STARD9: variants seen among roughly 807,000 people sequenced by gnomAD.
STARD9 encodes the protein stAR-related lipid transfer protein 9.
A neutral mutation model predicts 399.8 loss-of-function variants in STARD9; 346 were observed. That is an observed-to-expected ratio of 0.87 (90% CI 0.79 to 0.95). The LOEUF (loss-of-function observed/expected upper bound fraction) is 0.95, where lower values mean the gene tolerates loss of function less well. STARD9 is among the 40% of genes least tolerant of loss of function. The pLI is 0.00. For synonymous variants in STARD9, 2,203 were observed against 2,143.5 expected (o/e 1.03, Z -0.77); for missense variants, 5,832 against 5,667.5 (o/e 1.03, Z -0.93).
Position 42,686,996 on chromosome 15 carries a change from T to C in STARD9, c.5418T>C (p.Asn1806=), listed in dbSNP as rs1233857719. 4 of 1,536,734 alleles carry C rather than the reference T, an allele frequency of 2.6e-6. No individual in the cohort carries two copies. The East Asian group carries it at 9.8e-5, about 38-fold the overall frequency. The change falls in exon 23 of 33, where the codon AAT becomes AAC. Residue 1806 remains asparagine, a synonymous_variant. Coordinates refer to ENST00000290607, the MANE Select transcript of STARD9 (RefSeq NM_020759.3). ...NNLPVLLQNQ[N]SKIASSQQVT... ...TGCCAGTGCTGTTACAAAACCAGAA[T>C]TCTAAGATTGCCTCATCTCAGCAGG...
At chr15:42,674,701 C>G in intron 17 of STARD9, 126 bp from the exon 18 acceptor site, 2 of 1,383,020 alleles carry the variant, frequency 1.4e-6, no homozygotes, top group South Asian at 1.5e-5. Flanking sequence ...GGTTTCAGGT[C>G]AGCTCTTCCT....
chr15:42,681,672 C>T (rs1312014866), intron 21 of STARD9, 60 bp downstream of exon 21: 2 of 1,377,044 alleles, frequency 1.5e-6, no homozygotes, highest in African/African-American at 1.5e-5. Flanking sequence ...TTTCATGCTT[C>T]CTCAGCCTTC....
Position 42,718,922 on chromosome 15 carries a change from T to G in STARD9, c.14001+12T>G. The G allele has an allele frequency of 2.0e-6, 3 of 1,536,814 alleles. No individual in the cohort carries two copies. The highest frequency in any genetic ancestry group is 2.6e-6 in the Non-Finnish European group (3 of 1,146,586). On this transcript the variant is annotated intron_variant, in intron 32 of 32. Coordinates refer to ENST00000290607, the MANE Select transcript of STARD9 (RefSeq NM_020759.3). Reference sequence around the variant, plus strand: ...TCTACTTGGCCCAGGTGATAAATCCTTTGCAGCTGGCCTCACAGCACAGGC... The same window carrying G: ...TCTACTTGGCCCAGGTGATAAATCCGTTGCAGCTGGCCTCACAGCACAGGC...
intron 14 of STARD9, 77 bp from the exon 15 acceptor site, chr15:42,665,709 C>A: frequency 8.5e-7 from 1 of 1,173,246 alleles, no homozygotes; most frequent in Non-Finnish European, 1.2e-6. Context: ...TCTTATCCTC[C>A]TCCACAAGTG....
chr15:42,583,346 G>A lies in STARD9; in HGVS notation c.48G>A (p.Arg16=), dbSNP rs1438202219. The change falls in exon 2 of 33, where the codon AGG becomes AGA. Residue 16 remains arginine, a splice_region_variant and synonymous_variant. Transcript: ENST00000290607. ...TTCTGAGCTTGGGTCTTGTTTCTAGGGAGACCAAAGAAGGGGGAAGAATTA... is the reference window on the plus strand; with the variant it reads ...TTCTGAGCTTGGGTCTTGTTTCTAGAGAGACCAAAGAAGGGGGAAGAATTA... ...VAVRVRPLSK[R]ETKEGGRIIV... The A allele has an allele frequency of 6.5e-7, 1 of 1,536,174 alleles. No homozygotes were observed. Among genetic ancestry groups the A allele is most frequent in the African/African-American group, 1.4e-5 (1 of 73,104 alleles).
At chr15:42,700,549 C>T (rs1298256223) in intron 26 of STARD9, among the ~76,000 whole-genome samples, 1 of 152,082 alleles carries the variant, frequency 6.6e-6, no homozygotes, top group Non-Finnish European at 1.5e-5. Flanking sequence ...GCATTTTTTT[C>T]ATATACCTGT....
At chr15:42,666,839 G>A (rs1310480776) in intron 15 of STARD9, among the ~76,000 whole-genome samples, 1 of 151,978 alleles carries the variant, frequency 6.6e-6, no homozygotes, top group Non-Finnish European at 1.5e-5. Context: ...TTTTGAGAGG[G>A]AGTCTCACTC....
Position 42,665,339 on chromosome 15 carries a change from A to G in STARD9, c.1254+9A>G, listed in dbSNP as rs757114233. The G allele has an allele frequency of 1.6e-5, 25 of 1,534,264 alleles. No homozygotes were observed. The African/African-American group carries it at 1.6e-4, about 10-fold the overall frequency. On this transcript the variant is annotated intron_variant, in intron 14 of 32. Coordinates refer to ENST00000290607, the MANE Select transcript of STARD9 (RefSeq NM_020759.3). Reference sequence around the variant, plus strand: ...TGCTGAGCTTTGAACTGGTATGCAGACAGTCAGAACCTTTCCGTACTTAAG... The same window carrying G: ...TGCTGAGCTTTGAACTGGTATGCAGGCAGTCAGAACCTTTCCGTACTTAAG...
At chr15:42,655,224 G>A (rs2059843323) in intron 9 of STARD9, among the ~76,000 whole-genome samples, 1 of 152,218 alleles carries the variant, frequency 6.6e-6, no homozygotes. Context: ...AGAGGTTGCA[G>A]TGAGCTGAGA....
chr15:42,697,710 C>A (rs151023573), intron 26 of STARD9, among the ~76,000 whole-genome samples: 1 of 152,110 alleles, frequency 6.6e-6, no homozygotes, highest in East Asian at 1.9e-4. Context: ...ACCTTCAGGC[C>A]GTGTGTATAA....
chr15:42,686,507 T>A lies in STARD9; in HGVS notation c.4929T>A (p.Thr1643=), dbSNP rs1240123237. 1 of 1,537,768 alleles carries A rather than the reference T, an allele frequency of 6.5e-7. No homozygotes were observed. Among genetic ancestry groups the A allele is most frequent in the Non-Finnish European group, 8.7e-7 (1 of 1,147,044 alleles). The change falls in exon 23 of 33, where the codon ACT becomes ACA. Residue 1643 remains threonine (T), a synonymous_variant. Coordinates refer to ENST00000290607, the MANE Select transcript of STARD9 (RefSeq NM_020759.3). Reference sequence around the variant, plus strand: ...GTTGCAGGAAACCTGGACTGATGACTTCCTCTGATGAGGATTTTTTCCAGA... The same window carrying A: ...GTTGCAGGAAACCTGGACTGATGACATCCTCTGATGAGGATTTTTTCCAGA... ...LQSCRKPGLM[T]SSDEDFFQKN...
chr15:42,699,991 G>T (rs1008962361), intron 26 of STARD9, among the ~76,000 whole-genome samples: 1 of 152,184 alleles, frequency 6.6e-6, no homozygotes, highest in Non-Finnish European at 1.5e-5. Flanking sequence ...ACAGGCGTGT[G>T]AGATCAACTT....
intron 3 of STARD9, among the ~76,000 whole-genome samples, chr15:42,619,647 A>G (rs1195608724): frequency 2.0e-5 from 3 of 152,140 alleles, no homozygotes; most frequent in Admixed American, 6.6e-5. Context: ...GTGAAAATGT[A>G]ATGCCTCTGC....
At chr15:42,647,390 T>C (rs946378222) in intron 7 of STARD9, among the ~76,000 whole-genome samples, 12 of 152,194 alleles carry the variant, frequency 7.9e-5, no homozygotes, top group Non-Finnish European at 1.6e-4. Flanking sequence ...ATTCTGCCAA[T>C]TTTTGTTTTA....
At chr15:42,667,845 TA>T (rs779424120) in intron 15 of STARD9, among the ~76,000 whole-genome samples, 6 of 152,234 alleles carry the variant, frequency 3.9e-5, no homozygotes, top group Non-Finnish European at 7.3e-5. Context: ...ATCATCCTTA[TA>T]TGTTATTAAA....
At position 42,687,492 on chromosome 15, in the gene STARD9, T is replaced by A. The variant is rs1046143582; in HGVS notation, c.5914T>A (p.Trp1972Arg). 2 of 1,536,960 alleles carry A rather than the reference T, an allele frequency of 1.3e-6. No homozygotes were observed. Among genetic ancestry groups the A allele is most frequent in the Non-Finnish European group, 1.7e-6 (2 of 1,146,866 alleles). ...CCAGGGTGGTGGCCCAACCCCTAAGTGGGAAGGGAAAAATGAAACTGGGCT... is the reference window on the plus strand; with the variant it reads ...CCAGGGTGGTGGCCCAACCCCTAAGAGGGAAGGGAAAAATGAAACTGGGCT... ...VAQGGGPTPK[W>R]EGKNETGLLE... is the part of the protein sequence containing the mutation. Residue 1972 changes from tryptophan (W) to arginine (R), a missense_variant, in exon 23 of 33, where the codon TGG becomes AGG. By Grantham distance (101) the Trp-to-Arg change is moderately radical. This residue lies in a region of STARD9 where 5,828 missense variants were observed against 5,651.1 expected (regional missense o/e 1.03). Coordinates refer to ENST00000290607, the MANE Select transcript of STARD9 (RefSeq NM_020759.3).
intron 26 of STARD9, among the ~76,000 whole-genome samples, chr15:42,705,478 G>T (rs1225474038): frequency 6.6e-6 from 1 of 152,070 alleles, no homozygotes; most frequent in Admixed American, 6.5e-5. Context: ...CTGTCACTCA[G>T]ACTGGAGTGC....
chr15:42,695,298 A>C lies in STARD9; in HGVS notation c.13121A>C (p.Gln4374Pro), dbSNP rs2060818763. ...GAACAAGAGAAGCTGAGAATCCACC[A>C]GAAGATCATTTCCCAGCTATTGAAG... ...RTEQEKLRIHQKIISQLLKEE... is the reference protein window; with the variant it reads ...RTEQEKLRIHPKIISQLLKEE... Residue 4374 changes from glutamine (Q) to proline (P), a missense_variant, in exon 25 of 33, where the codon CAG (glutamine) becomes CCG (proline). Transcript: ENST00000290607. The C allele has an allele frequency of 6.5e-7, 1 of 1,535,804 alleles. No homozygotes were observed. Among genetic ancestry groups the C allele is most frequent in the South Asian group, 1.2e-5 (1 of 83,902 alleles).
rs2060697249 is a variant in STARD9, at chr15:42,691,432, C to G, written c.9854C>G (p.Ala3285Gly). The change falls in exon 23 of 33, where the codon GCT becomes GGT. Residue 3285 changes from alanine (A) to glycine (G), a missense_variant. By Grantham distance (60) the Ala-to-Gly change is moderately conservative. Transcript: ENST00000290607. ...CAAAATGAAACACCGCAGCCTGCTG[C>G]TCAGAGGAGTGGCCACCTCTACACT... ...LRQNETPQPA[A>G]QRSGHLYTGR... 6.5e-7 allele frequency: 1 copy of G among 1,537,248 alleles called. No homozygotes were observed. Among genetic ancestry groups the G allele is most frequent in the Admixed American group, 2.0e-5 (1 of 51,010 alleles).
Sources: gnomAD v4.1 joint callset for allele counts (sites outside exome capture counted in the v4.1 genomes callset) on GRCh38, gnomAD v4.1.1 for gene constraint, gnomAD v4.1.1 regional missense constraint, MANE v1.5 for transcripts, NCBI Gene and HGNC (gene_info 2026-07-23, HGNC 2026-07-21) for gene names.